NEBL: variants seen among roughly 807,000 people sequenced by gnomAD.
The protein encoded by NEBL is nebulette.
NEBL carries 122 observed loss-of-function variants against 140.2 expected under a neutral mutation model. The observed-to-expected ratio is 0.87, with a 90% CI of 0.75 to 1.01. NEBL has a LOEUF of 1.01. Ranked by LOEUF, NEBL falls within the 50% of genes least tolerant of loss-of-function variation. The pLI, the probability that NEBL is intolerant of heterozygous loss-of-function variation, is 0.00. For synonymous variants in NEBL, 436 were observed against 398.9 expected, an observed-to-expected ratio of 1.09 and a Z score of -1.11; for missense variants, 1,365 against 1,231.3, an observed-to-expected ratio of 1.11 and a Z score of -1.62.
At chr10:20,910,187 T>TTATCTA (rs1220366562) in intron 4 of NEBL, among the ~76,000 whole-genome samples, 1 of 152,198 alleles carries the variant, frequency 6.6e-6, no homozygotes, top group Non-Finnish European at 1.5e-5. Context: ...TTTTTAAAAA[T>TTATCTA]TATCTATATA....
chr10:21,253,605 G>A (rs906864391), intron 1 of NEBL, among the ~76,000 whole-genome samples: 1 of 147,046 alleles, frequency 6.8e-6, no homozygotes, highest in African/African-American at 2.5e-5. Context: ...GTGCAATGGC[G>A]CAATCTCGGC....
intron 2 of NEBL, among the ~76,000 whole-genome samples, chr10:21,053,892 G>T (rs1330770504): frequency 6.6e-6 from 1 of 152,078 alleles, no homozygotes; most frequent in Non-Finnish European, 1.5e-5. Context: ...AATTAGCCAG[G>T]CATGGTGGTT....
At chr10:20,935,745 T>C (rs1481254118) in intron 4 of NEBL, among the ~76,000 whole-genome samples, 1 of 152,170 alleles carries the variant, frequency 6.6e-6, no homozygotes, top group African/African-American at 2.4e-5. Flanking sequence ...CATTAGGAAA[T>C]TATCTAAAAA....
At chr10:21,236,345 A>ATTT (rs147170707) in intron 3 of NEBL, among the ~76,000 whole-genome samples, 7 of 125,354 alleles carry the variant, frequency 5.6e-5, no homozygotes, top group East Asian at 2.2e-4. Context: ...CCTTTTTTTA[A>ATTT]TTTTTTTTTT....
At chr10:21,275,478 A>T (rs1176285866) in intron 1 of NEBL, among the ~76,000 whole-genome samples, 1 of 151,998 alleles carries the variant, frequency 6.6e-6, no homozygotes, top group Non-Finnish European at 1.5e-5. Flanking sequence ...CAGAGTGCCC[A>T]CTCACGAAAC....
intron 3 of NEBL, among the ~76,000 whole-genome samples, chr10:21,228,689 T>TGAA (rs1842205375): frequency 6.6e-6 from 1 of 152,250 alleles, no homozygotes. Flanking sequence ...ACATTTAACT[T>TGAA]GAATTTTATC....
chr10:21,198,675 T>C (rs1841688558), intron 3 of NEBL, among the ~76,000 whole-genome samples: 1 of 152,118 alleles, frequency 6.6e-6, no homozygotes, highest in Non-Finnish European at 1.5e-5. Context: ...CATTGCTAGG[T>C]TACTTGCCTA....
chr10:21,052,498 C>T (rs928968505), intron 2 of NEBL, among the ~76,000 whole-genome samples: 6 of 152,200 alleles, frequency 3.9e-5, no homozygotes, highest in East Asian at 1.9e-4. Flanking sequence ...AAAGCCCACA[C>T]AGTTCAAAGT....
intron 4 of NEBL, among the ~76,000 whole-genome samples, chr10:20,914,969 AT>A (rs71390798): frequency 2.2e-4 from 24 of 111,196 alleles, no homozygotes; most frequent in East Asian, 2.4e-4. Flanking sequence ...AGTGGCTGGG[AT>A]TTTTTTTTTT....
intron 2 of NEBL, among the ~76,000 whole-genome samples, chr10:21,042,270 C>T (rs1052283880): frequency 1.9e-4 from 29 of 152,138 alleles, no homozygotes; most frequent in Non-Finnish European, 4.4e-5. Context: ...GAGGAACGTA[C>T]GTCTTGGAGA....
At chr10:21,085,062 T>C (rs1643277662) in intron 2 of NEBL, among the ~76,000 whole-genome samples, 1 of 152,188 alleles carries the variant, frequency 6.6e-6, no homozygotes, top group Non-Finnish European at 1.5e-5. Flanking sequence ...TGTGCCTGAA[T>C]AGCTTCTTCC....
intron 26 of NEBL, among the ~76,000 whole-genome samples, chr10:20,801,753 T>A (rs1837143954): frequency 6.6e-6 from 1 of 152,166 alleles, no homozygotes; most frequent in South Asian, 2.1e-4. Flanking sequence ...GCCCTCTTGA[T>A]ATATGCTATG....
intron 2 of NEBL, among the ~76,000 whole-genome samples, chr10:21,101,873 A>T (rs1001544785): frequency 6.6e-6 from 1 of 152,216 alleles, no homozygotes; most frequent in Admixed American, 6.5e-5. Context: ...CTCATCTATA[A>T]TTCAGTTTAG....
At chr10:20,938,063 T>C (rs937221915) in intron 4 of NEBL, among the ~76,000 whole-genome samples, 20 of 152,190 alleles carry the variant, frequency 1.3e-4, no homozygotes, top group African/African-American at 4.8e-4. Context: ...GACTTAAATG[T>C]CCCTGTCTGA....
chr10:21,176,286 T>A (rs541634462), upstream of NEBL, among the ~76,000 whole-genome samples: 1 of 152,280 alleles, frequency 6.6e-6, no homozygotes, highest in East Asian at 1.9e-4. Flanking sequence ...TACAGGCATG[T>A]GGCACCACAC....
At chr10:21,144,650 C>T (rs544161643) in intron 2 of NEBL, among the ~76,000 whole-genome samples, 1 of 152,020 alleles carries the variant, frequency 6.6e-6, no homozygotes, top group African/African-American at 2.4e-5. Flanking sequence ...CACTTGAACC[C>T]GGGGAGTTGG....
At chr10:20,818,194 AT>A (rs1447973074) in intron 20 of NEBL, among the ~76,000 whole-genome samples, 1 of 150,920 alleles carries the variant, frequency 6.6e-6, no homozygotes, top group Non-Finnish European at 1.5e-5. Flanking sequence ...CTACTCTTAC[AT>A]TTTGAAGTCT....
intron 4 of NEBL, among the ~76,000 whole-genome samples, chr10:20,943,719 G>A (rs888500359): frequency 2.6e-5 from 4 of 152,124 alleles, no homozygotes; most frequent in Non-Finnish European, 4.4e-5. Flanking sequence ...TTTTAACTAG[G>A]ATCAAGTCCT....
At chr10:21,034,959 TTTA>T (rs2131815250) in intron 2 of NEBL, among the ~76,000 whole-genome samples, 1 of 129,014 alleles carries the variant, frequency 7.8e-6, no homozygotes, top group South Asian at 2.5e-4. Flanking sequence ...TATTTATTTA[TTTA>T]TTTATTTATT....
Sources: allele counts gnomAD v4.1 joint callset (sites outside exome capture counted in the v4.1 genomes callset), GRCh38; gene constraint gnomAD v4.1.1; transcripts MANE v1.5; gene names NCBI Gene and HGNC (gene_info 2026-07-23, HGNC 2026-07-21).